Variants in ZNF335 observed in about 807,000 individuals in gnomAD.
ZNF335 encodes NRC-interacting factor 1.
In ZNF335, 84 loss-of-function variants were observed where a neutral mutation model predicts 145.6. The observed-to-expected ratio is 0.58, with a 90% CI of 0.48 to 0.69. ZNF335 has a LOEUF of 0.69. Ranked by LOEUF, ZNF335 falls within the 30% of genes least tolerant of loss-of-function variation. The pLI is 0.00. For missense variants in ZNF335, 1,865 were observed against 1,809.7 expected, an observed-to-expected ratio of 1.03 and a Z score of -0.55; for synonymous variants, 761 against 717.0, an observed-to-expected ratio of 1.06 and a Z score of -0.98.
At position 45,963,470 on chromosome 20, in the gene ZNF335, C is replaced by A; in HGVS notation, c.1533+3G>T. On this transcript the variant is annotated splice_donor_region_variant and intron_variant, in intron 9 of 27. Coordinates refer to ENST00000322927, the MANE Select transcript of ZNF335 (RefSeq NM_022095.4). ...GAGCCCCAAGCCTCTTTGGCTCCCG[C>A]ACCTTGAGCGAGGACCAGCGGCGGG... is the stretch of plus-strand genomic sequence containing the variant. The A allele has an allele frequency of 6.2e-7, 1 of 1,609,722 alleles. No homozygotes were observed. Among genetic ancestry groups the A allele is most frequent in the Non-Finnish European group, 8.5e-7 (1 of 1,176,514 alleles).
chr20:45,951,537 G>A (rs1056761604), intron 20 of ZNF335, among the ~76,000 whole-genome samples: 2 of 152,252 alleles, frequency 1.3e-5, no homozygotes, highest in Non-Finnish European at 2.9e-5. Context: ...GGATGAAGTT[G>A]TTGCACCTCA....
In ZNF335 at chr20:45,963,636, G is replaced by A. The variant is rs1252417677; in HGVS notation, c.1370C>T (p.Ser457Leu). ...GAAGGGCCTCAAAAGTGGTTTGGGCGACTTGTAATAGTACCTGCAGGATGA... is the reference window on the plus strand; with the variant it reads ...GAAGGGCCTCAAAAGTGGTTTGGGCAACTTGTAATAGTACCTGCAGGATGA... ...GKKYRKYYYK[S>L]PKPLLRPFLC... The change falls in exon 9 of 28, where the codon TCG (serine) becomes TTG (leucine). Residue 457 changes from serine to leucine, a missense_variant. Ser to Leu is a moderately radical substitution (Grantham distance 145). Coordinates refer to ENST00000322927, the MANE Select transcript of ZNF335 (RefSeq NM_022095.4). The A allele has an allele frequency of 1.5e-5, 24 of 1,614,064 alleles. No homozygotes were observed. Among genetic ancestry groups the A allele is most frequent in the Admixed American group, 6.7e-5 (4 of 60,006 alleles).
rs368649316 is a variant in ZNF335, at chr20:45,965,700, T to C, written c.1030A>G (p.Thr344Ala). 157 of 1,603,606 alleles carry C rather than the reference T, an allele frequency of 9.8e-5. No individual in the cohort carries two copies. The highest frequency in any genetic ancestry group is 1.7e-4 in the Middle Eastern group (1 of 5,938). Reference protein sequence around the residue: ...QLRLQRPTPSTPRPRRRPGRP... With the variant: ...QLRLQRPTPSAPRPRRRPGRP... ...CCAGGTCTCCTTCGGGGCCTTGGGG[T>C]ACTGGGGGTGGGGCGCTGGAGCCGA... The change falls in exon 7 of 28, where the codon ACC (threonine) becomes GCC (alanine). Residue 344 changes from threonine to alanine, a missense_variant. Transcript: ENST00000322927.
rs775355646 is a variant in ZNF335, at chr20:45,949,088, G to C, written c.3902-8C>G. On this transcript the variant is annotated splice_polypyrimidine_tract_variant and splice_region_variant and intron_variant, in intron 27 of 27. Transcript: ENST00000322927. ...TGGCAGCATCAGCCACTGCTGCCAG[G>C]GGAGGGGAAAGTATGGTGAGCTGGA... is the stretch of plus-strand genomic sequence containing the variant. The C allele has an allele frequency of 1.1e-4, 175 of 1,613,600 alleles. No homozygotes were observed. The highest frequency in any genetic ancestry group is 1.4e-4 in the Non-Finnish European group (170 of 1,180,018).
At chr20:45,972,025 C>G in intron 1 of ZNF335, 97 bp downstream of exon 1, 2 of 1,237,762 alleles carry the variant, frequency 1.6e-6, no homozygotes, top group Non-Finnish European at 2.1e-6. Flanking sequence ...TTCGGACAGC[C>G]CCGCCGGCCT....
At chr20:45,949,602 G>A (rs369305017) in intron 24 of ZNF335, 34 bp from the exon 25 acceptor site, 2 of 1,584,714 alleles carry the variant, frequency 1.3e-6, no homozygotes, top group African/African-American at 1.3e-5. Context: ...GGCGAGGCAG[G>A]TGCTGAGGCC....
chr20:45,967,264 T>C (rs1872698857), intron 6 of ZNF335: 1 of 605,614 alleles, frequency 1.7e-6, no homozygotes, highest in Non-Finnish European at 2.9e-6. Context: ...TTGTATTCTA[T>C]TTCTGTGGGG....
chr20:45,949,269 A>G lies in ZNF335; in HGVS notation c.3820-18T>C. The stretch of plus-strand genomic sequence containing the variant: ...TACTGGATCTGGAGGGGAGAAGCTG[A>G]TAAGATGCTGGCCTGGAGAAACCTG... On this transcript the variant is annotated intron_variant, in intron 26 of 27. Coordinates refer to ENST00000322927, the MANE Select transcript of ZNF335 (RefSeq NM_022095.4). 12 of 1,613,938 alleles carry G rather than the reference A, an allele frequency of 7.4e-6. No homozygotes were observed. In the Middle Eastern group the frequency reaches 4.9e-4, roughly 67 times the overall value.
At chr20:45,962,233 T>C (rs1241329932) in intron 9 of ZNF335, 51 bp from the exon 10 acceptor site, 1 of 1,425,366 alleles carries the variant, frequency 7.0e-7, no homozygotes, top group Non-Finnish European at 9.9e-7. Context: ...TCCTCTCCCA[T>C]CCCCGTCCCC....
At chr20:45,972,050 G>T in intron 1 of ZNF335, 72 bp downstream of exon 1, 1 of 1,259,956 alleles carries the variant, frequency 7.9e-7, no homozygotes, top group Non-Finnish European at 1.0e-6. Flanking sequence ...CCTCGCCTCC[G>T]GGTATCCCCG....
intron 13 of ZNF335, 36 bp from the exon 14 acceptor site, chr20:45,960,404 A>G (rs963998878): frequency 5.6e-6 from 9 of 1,614,196 alleles, no homozygotes; most frequent in Non-Finnish European, 5.9e-6. Flanking sequence ...CTCAGTAATG[A>G]GCTGGGGACT....
In ZNF335 at chr20:45,963,727, G is replaced by A. The variant is rs771510703; in HGVS notation, c.1355+11C>T. On this transcript the variant is annotated intron_variant, in intron 8 of 27. Coordinates refer to ENST00000322927, the MANE Select transcript of ZNF335 (RefSeq NM_022095.4). ...ACATGCATGCCCCACCCTCACCTCTGCTCCACATACTTGCGGTATTTCTTG... is the reference window on the plus strand; with the variant it reads ...ACATGCATGCCCCACCCTCACCTCTACTCCACATACTTGCGGTATTTCTTG... 6.2e-7 allele frequency: 1 copy of A among 1,614,138 alleles called. No homozygotes were observed. Among genetic ancestry groups the A allele is most frequent in the South Asian group, 1.1e-5 (1 of 91,086 alleles).
chr20:45,950,126 G>A (rs2083602932), intron 22 of ZNF335, 57 bp from the exon 23 acceptor site: 1 of 1,608,384 alleles, frequency 6.2e-7, no homozygotes, highest in African/African-American at 1.3e-5. Context: ...CAATGCCCCA[G>A]CTGCTACTGT....
At chr20:45,956,703 C>G (rs1281145643) in intron 17 of ZNF335, among the ~76,000 whole-genome samples, 2 of 151,614 alleles carry the variant, frequency 1.3e-5, no homozygotes, top group Non-Finnish European at 2.9e-5. Flanking sequence ...GTGAAGATAC[C>G]ACGTCGGATG....
In ZNF335 at chr20:45,959,394, GTGC is replaced by G; in HGVS notation, c.2057_2059del (p.Ser686del). 6.5e-7 allele frequency: 1 copy of G among 1,528,738 alleles called. No homozygotes were observed. The highest frequency in any genetic ancestry group is 2.5e-5 in the East Asian group (1 of 39,848). The allele number at this position is 1,528,738 out of a possible 1,614,324, so 94.7% of individuals were successfully genotyped here. A position where few individuals can be genotyped will look rare whatever the true frequency, so the allele number is the denominator to read the frequency against. On this transcript the variant is annotated inframe_deletion, in exon 15 of 28. Coordinates refer to ENST00000322927, the MANE Select transcript of ZNF335 (RefSeq NM_022095.4). Reference sequence around the variant, plus strand: ...CAGGCGCAGGTTCTTCTTGTGCCGTGTGCTGAAGTGGCAGTACTCACAGGCGAA... The same window carrying G: ...CAGGCGCAGGTTCTTCTTGTGCCGTGTGAAGTGGCAGTACTCACAGGCGAA...
intron 23 of ZNF335, 25 bp downstream of exon 23, chr20:45,949,941 G>C: frequency 6.2e-7 from 1 of 1,614,080 alleles, no homozygotes. Context: ...TCGCTGGCCA[G>C]AGGGCCCCCA....
intron 22 of ZNF335, 52 bp downstream of exon 22, chr20:45,950,143 TGGTGCCTTTTGGGGCAGTGGCCCA>T: frequency 6.3e-7 from 1 of 1,596,234 alleles, no homozygotes; most frequent in East Asian, 2.2e-5. Flanking sequence ...CTGTACCCAG[TGGTGCCTTTTGGGGCAGTGGCCCA>T]AGTCTCTGGA....
At chr20:45,972,016 T>G (rs1300781778) in intron 1 of ZNF335, 106 bp downstream of exon 1, 1 of 1,224,668 alleles carries the variant, frequency 8.2e-7, no homozygotes, top group African/African-American at 1.6e-5. Flanking sequence ...GGGGCCCTGT[T>G]CGGACAGCCC....
chr20:45,953,016 C>G (rs2083663272), intron 18 of ZNF335, among the ~76,000 whole-genome samples: 1 of 152,200 alleles, frequency 6.6e-6, no homozygotes, highest in African/African-American at 2.4e-5. Context: ...GGTGAATCCA[C>G]CACCAGGAGC....
Sources: gnomAD v4.1 joint callset for allele counts (sites outside exome capture counted in the v4.1 genomes callset) on GRCh38, gnomAD v4.1.1 for gene constraint, MANE v1.5 for transcripts, NCBI Gene and HGNC (gene_info 2026-07-23, HGNC 2026-07-21) for gene names.